CAMK1D: variants seen among roughly 807,000 people sequenced by gnomAD.
CAMK1D encodes the protein calcium/calmodulin dependent protein kinase ID, also known as calcium/calmodulin-dependent protein kinase type 1D.
A neutral mutation model predicts 47.7 loss-of-function variants in CAMK1D; 9 were observed. That is an observed-to-expected ratio of 0.19 (90% CI 0.11 to 0.33). The LOEUF is 0.33. Among genes scored for constraint, CAMK1D ranks in the 10% least tolerant of loss-of-function variants. The pLI is 1.00. For synonymous variants in CAMK1D, 184 were observed against 184.9 expected, an observed-to-expected ratio of 0.99 and a Z score of 0.04; for missense variants, 291 against 488.7, an observed-to-expected ratio of 0.60 and a Z score of 3.81.
chr10:12,369,755 T>G (rs565812331), intron 1 of CAMK1D, among the ~76,000 whole-genome samples: 121 of 151,714 alleles, frequency 8.0e-4, no homozygotes, highest in Admixed American at 1.3e-3. Flanking sequence ...GGTCAGGAGG[T>G]CAAGACCAGC....
At chr10:12,632,922 T>G (rs377603033) in intron 2 of CAMK1D, among the ~76,000 whole-genome samples, 1 of 152,138 alleles carries the variant, frequency 6.6e-6, no homozygotes. Context: ...CTCAATCTCC[T>G]GACCTCATGA....
At chr10:12,587,962 G>A (rs1837871017) in intron 2 of CAMK1D, among the ~76,000 whole-genome samples, 1 of 151,860 alleles carries the variant, frequency 6.6e-6, no homozygotes, top group Non-Finnish European at 1.5e-5. Context: ...CGGTGATTTG[G>A]ACTTAAAAAT....
chr10:12,688,066 T>A (rs1187578175), intron 3 of CAMK1D, among the ~76,000 whole-genome samples: 2 of 152,178 alleles, frequency 1.3e-5, no homozygotes, highest in Admixed American at 6.5e-5. Flanking sequence ...CAGGAGGGAA[T>A]TAAGGCGAAT....
chr10:12,583,289 T>C (rs955766015), intron 2 of CAMK1D, among the ~76,000 whole-genome samples: 1 of 152,176 alleles, frequency 6.6e-6, no homozygotes. Context: ...GTTCCAATGA[T>C]ATGAGTTTGG....
chr10:12,374,258 C>CAAA (rs56312810), intron 1 of CAMK1D, among the ~76,000 whole-genome samples: 62 of 91,702 alleles, frequency 6.8e-4, no homozygotes, highest in East Asian at 5.0e-3. Flanking sequence ...GACTCTGTCT[C>CAAA]AAAAAAAAAA....
chr10:12,469,704 A>G (rs1318461956), intron 1 of CAMK1D, among the ~76,000 whole-genome samples: 1 of 152,234 alleles, frequency 6.6e-6, no homozygotes, highest in Non-Finnish European at 1.5e-5. Flanking sequence ...ATCCAATTTT[A>G]AAATGTGCAC....
At chr10:12,529,157 G>T (rs1318759848) in intron 1 of CAMK1D, among the ~76,000 whole-genome samples, 1 of 151,130 alleles carries the variant, frequency 6.6e-6, no homozygotes, top group Non-Finnish European at 1.5e-5. Flanking sequence ...CACCCTCATC[G>T]TCATAGCTGC....
chr10:12,524,522 A>G (rs1835555187), intron 1 of CAMK1D, among the ~76,000 whole-genome samples: 1 of 151,968 alleles, frequency 6.6e-6, no homozygotes, highest in South Asian at 2.1e-4. Flanking sequence ...CCTGGCTAAC[A>G]CGGTGAAAAC....
At chr10:12,579,820 G>A (rs145398039) in intron 2 of CAMK1D, among the ~76,000 whole-genome samples, 30 of 152,286 alleles carry the variant, frequency 2.0e-4, no homozygotes, top group East Asian at 3.9e-4. Context: ...CTTCTTAAGC[G>A]AGAGGTCGGA....
intron 1 of CAMK1D, among the ~76,000 whole-genome samples, chr10:12,514,038 G>A (rs1431556478): frequency 6.6e-6 from 1 of 152,174 alleles, no homozygotes; most frequent in African/African-American, 2.4e-5. Flanking sequence ...CTGCACACAG[G>A]CATTTGTCAC....
chr10:12,545,541 C>G (rs1463442574), intron 1 of CAMK1D, among the ~76,000 whole-genome samples: 2 of 151,050 alleles, frequency 1.3e-5, no homozygotes, highest in African/African-American at 4.9e-5. Flanking sequence ...GTGGCTCACA[C>G]CTGTAATCCT....
intron 3 of CAMK1D, among the ~76,000 whole-genome samples, chr10:12,684,477 CAAAG>C (rs1199987162): frequency 6.6e-6 from 1 of 151,736 alleles, no homozygotes; most frequent in Non-Finnish European, 1.5e-5. Flanking sequence ...TTAGGCTCCT[CAAAG>C]AAGATAACTA....
chr10:12,718,840 A>C (rs1339384090), intron 3 of CAMK1D, among the ~76,000 whole-genome samples: 1 of 151,960 alleles, frequency 6.6e-6, no homozygotes, highest in Non-Finnish European at 1.5e-5. Context: ...ACCGTACCTT[A>C]TCAGTCTCAT....
intron 3 of CAMK1D, among the ~76,000 whole-genome samples, chr10:12,726,936 C>G (rs2130800986): frequency 6.6e-6 from 1 of 152,374 alleles, no homozygotes; most frequent in African/African-American, 2.4e-5. Context: ...GGCCCCTGTG[C>G]TCCCAGCTGC....
chr10:12,746,984 C>T (rs1485216327), intron 3 of CAMK1D, among the ~76,000 whole-genome samples: 2 of 152,014 alleles, frequency 1.3e-5, no homozygotes, highest in Non-Finnish European at 2.9e-5. Flanking sequence ...TATAGATAGA[C>T]AAATAAATGG....
At chr10:12,474,543 C>G (rs747331726) in intron 1 of CAMK1D, among the ~76,000 whole-genome samples, 1 of 151,884 alleles carries the variant, frequency 6.6e-6, no homozygotes, top group Non-Finnish European at 1.5e-5. Flanking sequence ...CATTGCATAA[C>G]ATAAACTTTA....
intron 2 of CAMK1D, among the ~76,000 whole-genome samples, chr10:12,615,754 G>T (rs1421142484): frequency 3.3e-5 from 5 of 151,292 alleles, no homozygotes; most frequent in African/African-American, 1.2e-4. Flanking sequence ...GTGTATAGTT[G>T]TGTGCGTAGG....
In CAMK1D at chr10:12,412,833, C is replaced by A. The variant is rs1432738442; in HGVS notation, c.92+62923C>A. Among the ~76,000 whole-genome samples, 4 of 152,148 alleles carry A rather than the reference C, an allele frequency of 2.6e-5. No homozygotes were observed. In the South Asian group the frequency reaches 8.3e-4, roughly 32 times the overall value. ...GTTTTCTAGCCCCTTCCCTCTGCTT[C>A]TCTCAGATGAATCACTGGAGCATCT... On this transcript the variant is annotated intron_variant, in intron 1 of 10. Coordinates refer to ENST00000619168, the MANE Select transcript of CAMK1D (RefSeq NM_153498.4).
At chr10:12,597,871 A>G (rs1034735067) in intron 2 of CAMK1D, among the ~76,000 whole-genome samples, 1 of 152,166 alleles carries the variant, frequency 6.6e-6, no homozygotes, top group Non-Finnish European at 1.5e-5. Context: ...CCATCAGAAC[A>G]CTCAGAGACA....
Sources: gnomAD v4.1 joint callset for allele counts (sites outside exome capture counted in the v4.1 genomes callset) on GRCh38, gnomAD v4.1.1 for gene constraint, MANE v1.5 for transcripts, NCBI Gene and HGNC (gene_info 2026-07-23, HGNC 2026-07-21) for gene names.